KANK1: variants seen among roughly 807,000 people sequenced by gnomAD.
The protein encoded by KANK1 is KN motif and ankyrin repeat domain-containing protein 1.
A neutral mutation model predicts 106.2 loss-of-function variants in KANK1; 109 were observed. That is an observed-to-expected ratio of 1.03 (90% confidence interval 0.88 to 1.20). The LOEUF is 1.20. Ranked by LOEUF, KANK1 falls within the 50% of genes most tolerant of loss-of-function variation. The probability of loss-of-function intolerance (pLI) is 0.00; values close to 1 mark genes in which losing one functional copy is unlikely to be tolerated. For missense variants in KANK1, 2,399 were observed against 1,710.7 expected (o/e 1.40, Z -7.10); for synonymous variants, 873 against 652.2 (o/e 1.34, Z -5.16).
chr9:688,944 T>C (rs183158488), intron 2 of KANK1, among the ~76,000 whole-genome samples: 1 of 152,310 alleles, frequency 6.6e-6, no homozygotes, highest in East Asian at 1.9e-4. Flanking sequence ...CACTGTTTTC[T>C]TGGGAAGGTC....
intron 1 of KANK1, among the ~76,000 whole-genome samples, chr9:616,093 C>T (rs1831760651): frequency 2.0e-5 from 3 of 152,216 alleles, no homozygotes; most frequent in Admixed American, 2.0e-4. Context: ...CCGAGCACCA[C>T]ATCCACTGAA....
At chr9:511,286 C>A in intron 1 of KANK1, among the ~76,000 whole-genome samples, 1 of 152,174 alleles carries the variant, frequency 6.6e-6, no homozygotes, top group East Asian at 1.9e-4. Flanking sequence ...CATGGTCAGT[C>A]ATAGGCTTGG....
intron 1 of KANK1, among the ~76,000 whole-genome samples, chr9:562,857 A>G (rs1245453903): frequency 1.3e-5 from 2 of 152,208 alleles, no homozygotes; most frequent in Admixed American, 6.5e-5. Context: ...TCATAGTTGC[A>G]ATTCACTAAA....
At chr9:639,039 C>T (rs184293471) in intron 1 of KANK1, among the ~76,000 whole-genome samples, 47 of 152,288 alleles carry the variant, frequency 3.1e-4, no homozygotes, top group Non-Finnish European at 5.9e-4. Flanking sequence ...AGAAATCACA[C>T]CTCAGTGTAA....
chr9:597,682 TAGAC>T (rs1826561529), intron 1 of KANK1, among the ~76,000 whole-genome samples: 2 of 151,578 alleles, frequency 1.3e-5, no homozygotes, highest in African/African-American at 4.9e-5. Flanking sequence ...TATTTTTTTT[TAGAC>T]AGAGTCTTGC....
intron 1 of KANK1, among the ~76,000 whole-genome samples, chr9:633,207 C>T (rs916942744): frequency 4.6e-5 from 7 of 152,104 alleles, no homozygotes; most frequent in African/African-American, 1.2e-4. Flanking sequence ...CCTGCAATCC[C>T]AGCACTTTGA....
In KANK1 at chr9:711,873, A is replaced by C; in HGVS notation, c.1107A>C (p.Gln369His). 1 of 1,614,224 alleles carries C rather than the reference A, an allele frequency of 6.2e-7. No homozygotes were observed. The highest frequency in any genetic ancestry group is 8.5e-7 in the Non-Finnish European group (1 of 1,180,046). ...QSTQRIKEFRQLTADMQALEQ... is the reference protein window; with the variant it reads ...QSTQRIKEFRHLTADMQALEQ... ...CGCAGAGGATAAAGGAGTTCCGGCAACTTACAGCAGACATGCAAGCCCTGG... is the reference window on the plus strand; with the variant it reads ...CGCAGAGGATAAAGGAGTTCCGGCACCTTACAGCAGACATGCAAGCCCTGG... The change falls in exon 3 of 12, where the codon CAA becomes CAC. Residue 369 changes from glutamine (Q) to histidine (H), a missense_variant. Transcript: ENST00000382297.
intron 3 of KANK1, chr9:484,479 A>G (rs1046170951): frequency 1.3e-5 from 2 of 152,260 alleles, no homozygotes; most frequent in Non-Finnish European, 2.9e-5. Context: ...CAACAAAGTT[A>G]AAAGAGCCTC....
Position 732,391 on chromosome 9 carries a change from T to G in KANK1, c.3019T>G (p.Ser1007Ala). 6.2e-7 allele frequency: 1 copy of G among 1,611,304 alleles called. No homozygotes were observed. Among genetic ancestry groups the G allele is most frequent in the Non-Finnish European group, 8.5e-7 (1 of 1,177,628 alleles). Residue 1007 changes from serine (S) to alanine (A), a missense_variant, in exon 6 of 12, where the codon TCA becomes GCA. Coordinates refer to ENST00000382297, the MANE Select transcript of KANK1 (RefSeq NM_015158.5). ...VGINGGYETT[S>A]SDDSSSDESS... ...ATTGCCACCTAGGTATGAAACAACT[T>G]CAAGTGATGATTCCAGCTCAGATGA...
intron 3 of KANK1, among the ~76,000 whole-genome samples, chr9:479,958 T>C (rs2058174671): frequency 6.6e-6 from 1 of 152,254 alleles, no homozygotes. Flanking sequence ...GAAATGATTT[T>C]TCCTGAAAAC....
chr9:538,186 A>AG (rs2133761875), intron 1 of KANK1, among the ~76,000 whole-genome samples: 1 of 152,248 alleles, frequency 6.6e-6, no homozygotes, highest in South Asian at 2.1e-4. Flanking sequence ...TGTAAAAAAA[A>AG]AAAAGTTAAT....
At position 592,094 on chromosome 9, in the gene KANK1, G is replaced by A. The variant is rs562404891; in HGVS notation, c.-83-84796G>A. On this transcript the variant is annotated intron_variant, in intron 1 of 11. Transcript: ENST00000382297. ...TAACATGTGGTATTTGTAGGAGATCGGTCAGGGTGGTGGAAGAAATTGTAG... is the reference window on the plus strand; with the variant it reads ...TAACATGTGGTATTTGTAGGAGATCAGTCAGGGTGGTGGAAGAAATTGTAG... Among the ~76,000 whole-genome samples, 89 of 151,836 alleles carry A rather than the reference G, an allele frequency of 5.9e-4. 1 individual carries two copies. Among genetic ancestry groups the A allele is most frequent in the Non-Finnish European group, 9.0e-4 (61 of 68,036 alleles).
intron 2 of KANK1, among the ~76,000 whole-genome samples, chr9:680,397 G>C (rs192591201): frequency 1.7e-3 from 252 of 152,240 alleles, no homozygotes; most frequent in Non-Finnish European, 2.7e-3. Context: ...GTCCCTCACG[G>C]AGGCTGGGTA....
At chr9:526,260 C>T (rs1174268612) in intron 1 of KANK1, among the ~76,000 whole-genome samples, 2 of 151,722 alleles carry the variant, frequency 1.3e-5, no homozygotes, top group East Asian at 3.8e-4. Context: ...TGACTGTTCC[C>T]CAGCCCACAG....
chr9:593,935 A>G (rs910561671), intron 1 of KANK1, among the ~76,000 whole-genome samples: 1 of 151,946 alleles, frequency 6.6e-6, no homozygotes, highest in Non-Finnish European at 1.5e-5. Context: ...AGCCATGGGA[A>G]CACAAGATAA....
At chr9:504,215 C>A (rs772406116), upstream of KANK1, among the ~76,000 whole-genome samples, 1 of 152,174 alleles carries the variant, frequency 6.6e-6, no homozygotes, top group Admixed American at 6.5e-5. Context: ...CACCGTCTCA[C>A]GGGGGCTGGA....
At chr9:581,691 T>A (rs1246275541) in intron 1 of KANK1, among the ~76,000 whole-genome samples, 1 of 152,170 alleles carries the variant, frequency 6.6e-6, no homozygotes, top group South Asian at 2.1e-4. Context: ...ATTCTTGGAT[T>A]TCTTTCCCAT....
chr9:727,299 G>GA (rs1470000296), intron 3 of KANK1, among the ~76,000 whole-genome samples: 2 of 151,614 alleles, frequency 1.3e-5, no homozygotes, highest in Non-Finnish European at 2.9e-5. Context: ...ATTCACTATA[G>GA]AAAAAATGGC....
At chr9:530,909 T>C (rs528887030) in intron 1 of KANK1, among the ~76,000 whole-genome samples, 6 of 152,226 alleles carry the variant, frequency 3.9e-5, no homozygotes, top group South Asian at 2.1e-4. Context: ...TGAGTCATGA[T>C]TGTGGCACTG....
Sources: allele counts gnomAD v4.1 joint callset (sites outside exome capture counted in the v4.1 genomes callset), GRCh38; gene constraint gnomAD v4.1.1; transcripts MANE v1.5; gene names NCBI Gene and HGNC (gene_info 2026-07-23, HGNC 2026-07-21).